The following TENM3 variants were observed in gnomAD, a reference collection of about 807,000 sequenced individuals.
The protein encoded by TENM3 is teneurin transmembrane protein 3.
Under a neutral mutation model 255.1 loss-of-function variants are expected in TENM3, and 63 were observed. That is an observed-to-expected ratio of 0.25 (90% CI 0.20 to 0.30). The LOEUF is 0.30. Ranked by LOEUF, TENM3 falls within the 10% of genes least tolerant of loss-of-function variation. The probability of loss-of-function intolerance (pLI) is 1.00; values close to 1 mark genes in which losing one functional copy is unlikely to be tolerated. For synonymous variants in TENM3, 1,306 were observed against 1,322.3 expected, an observed-to-expected ratio of 0.99 and a Z score of 0.27; for missense variants, 2,929 against 3,461.1, an observed-to-expected ratio of 0.85 and a Z score of 3.86.
At chr4:182,415,294 T>C (rs1038012182) in intron 3 of TENM3, among the ~76,000 whole-genome samples, 1 of 152,220 alleles carries the variant, frequency 6.6e-6, no homozygotes, top group East Asian at 1.9e-4. Flanking sequence ...GAATGTAGCA[T>C]TTCAAATGTC....
chr4:181,537,713 C>T, the TENM3 span, among the ~76,000 whole-genome samples: 1 of 152,168 alleles, frequency 6.6e-6, no homozygotes, highest in Non-Finnish European at 1.5e-5. Context: ...TAAGCAATTC[C>T]TCAAGGTCAC....
intron 1 of TENM3, among the ~76,000 whole-genome samples, chr4:182,309,377 G>T (rs1254539620): frequency 6.6e-6 from 1 of 152,120 alleles, no homozygotes; most frequent in African/African-American, 2.4e-5. Flanking sequence ...TTGCCTGTGG[G>T]TAACAGAGGC....
chr4:181,747,564 A>G, the TENM3 span, among the ~76,000 whole-genome samples: 2 of 151,934 alleles, frequency 1.3e-5, no homozygotes, highest in Non-Finnish European at 2.9e-5. Context: ...TATCTTTTTT[A>G]TGATTGATTT....
At chr4:181,868,318 A>G in the TENM3 span, among the ~76,000 whole-genome samples, 52 of 152,228 alleles carry the variant, frequency 3.4e-4, no homozygotes, top group East Asian at 9.9e-3. Flanking sequence ...TAACACTGCA[A>G]ATTTATTTCC....
chr4:182,024,424 T>G, the TENM3 span, among the ~76,000 whole-genome samples: 65 of 152,338 alleles, frequency 4.3e-4, no homozygotes, highest in African/African-American at 1.3e-3. Context: ...TGGTTGGTTG[T>G]TTGTTTACAT....
chr4:181,793,591 A>T, the TENM3 span, among the ~76,000 whole-genome samples: 1 of 151,886 alleles, frequency 6.6e-6, no homozygotes, highest in Non-Finnish European at 1.5e-5. Context: ...GGTGGATACA[A>T]CAAAATGCTT....
the TENM3 span, among the ~76,000 whole-genome samples, chr4:181,712,514 A>G: frequency 6.6e-6 from 1 of 152,154 alleles, no homozygotes; most frequent in Non-Finnish European, 1.5e-5. Flanking sequence ...TGCTTCCTGT[A>G]CAGCCTGCAG....
chr4:182,091,966 G>C, the TENM3 span, among the ~76,000 whole-genome samples: 1 of 152,126 alleles, frequency 6.6e-6, no homozygotes. Flanking sequence ...GTCATTCCAG[G>C]TTTATAGCTG....
At chr4:182,691,992 G>A (rs921590842) in intron 12 of TENM3, among the ~76,000 whole-genome samples, 3 of 151,982 alleles carry the variant, frequency 2.0e-5, no homozygotes, top group Admixed American at 6.6e-5. Flanking sequence ...TGTTTTTCAT[G>A]GGTAGGAAAT....
chr4:181,680,012 C>G, the TENM3 span, among the ~76,000 whole-genome samples: 2 of 152,110 alleles, frequency 1.3e-5, no homozygotes, highest in South Asian at 4.1e-4. Context: ...AATCAATTCC[C>G]CCTCCAAACT....
the TENM3 span, among the ~76,000 whole-genome samples, chr4:181,787,192 C>G: frequency 1.3e-5 from 2 of 152,122 alleles, no homozygotes; most frequent in South Asian, 4.1e-4. Context: ...CACAATAAGA[C>G]GAGCATCAAT....
the TENM3 span, among the ~76,000 whole-genome samples, chr4:182,046,212 G>A: frequency 1.1e-4 from 16 of 152,126 alleles, no homozygotes; most frequent in African/African-American, 3.6e-4. Context: ...CATGAAGATA[G>A]CATGGGCCTT....
the TENM3 span, among the ~76,000 whole-genome samples, chr4:181,779,711 G>A: frequency 2.2e-4 from 33 of 151,926 alleles, no homozygotes; most frequent in East Asian, 1.2e-3. Flanking sequence ...ATATGTATAC[G>A]TGTGCCATGT....
chr4:182,645,230 A>T (rs1289462025), intron 5 of TENM3, among the ~76,000 whole-genome samples: 1 of 151,964 alleles, frequency 6.6e-6, no homozygotes, highest in Non-Finnish European at 1.5e-5. Flanking sequence ...TCTTTAGTAA[A>T]GTTTGAAGTA....
the TENM3 span, among the ~76,000 whole-genome samples, chr4:182,044,357 T>C: frequency 0.037 from 5,642 of 152,344 alleles, 154 homozygotes; most frequent in Middle Eastern, 0.071. Flanking sequence ...ACAGCAGATC[T>C]AGTGGGTATG....
At chr4:181,499,273 A>G in the TENM3 span, among the ~76,000 whole-genome samples, 5 of 152,270 alleles carry the variant, frequency 3.3e-5, no homozygotes, top group Non-Finnish European at 4.4e-5. Context: ...GTTTCCTCAG[A>G]CTTCTCTCAC....
chr4:182,473,503 C>G (rs1410281149), intron 3 of TENM3, among the ~76,000 whole-genome samples: 1 of 152,066 alleles, frequency 6.6e-6, no homozygotes, highest in Non-Finnish European at 1.5e-5. Flanking sequence ...GAAACCCCGT[C>G]TCTACTAAAA....
chr4:181,981,027 T>C, the TENM3 span, among the ~76,000 whole-genome samples: 1 of 152,130 alleles, frequency 6.6e-6, no homozygotes, highest in Admixed American at 6.5e-5. Context: ...CAAGAGGCGG[T>C]CCAGGACTCC....
the TENM3 span, among the ~76,000 whole-genome samples, chr4:181,634,571 G>T: frequency 6.6e-6 from 1 of 151,924 alleles, no homozygotes; most frequent in Non-Finnish European, 1.5e-5. Flanking sequence ...TTACTGTTGT[G>T]AGGTAACTAA....
Sources: gnomAD v4.1 joint callset for allele counts (sites outside exome capture counted in the v4.1 genomes callset) on GRCh38, gnomAD v4.1.1 for gene constraint, MANE v1.5 for transcripts, NCBI Gene and HGNC (gene_info 2026-07-23, HGNC 2026-07-21) for gene names.